Variants in ROCK1 observed in about 807,000 individuals in gnomAD.
The protein encoded by ROCK1 is Rho associated coiled-coil containing protein kinase 1.
In ROCK1, 36 loss-of-function variants were observed where a neutral mutation model predicts 196.8. The observed-to-expected ratio is 0.18, with a 90% CI of 0.14 to 0.24. The LOEUF is 0.24. ROCK1 is among the 10% of genes least tolerant of loss of function. The pLI, the probability that ROCK1 is intolerant of heterozygous loss-of-function variation, is 1.00. For synonymous variants in ROCK1, 443 were observed against 515.9 expected (o/e 0.86, Z 1.91); for missense variants, 920 against 1,562.0 (o/e 0.59, Z 6.93).
chr18:20,963,540 T>A (rs1315070977), intron 27 of ROCK1, among the ~76,000 whole-genome samples: 1 of 152,110 alleles, frequency 6.6e-6, no homozygotes, highest in Non-Finnish European at 1.5e-5. Flanking sequence ...ATCCACCATT[T>A]TCAGGTTTAA....
intron 2 of ROCK1, among the ~76,000 whole-genome samples, chr18:21,056,950 T>G (rs2036249306): frequency 6.6e-6 from 1 of 152,186 alleles, no homozygotes; most frequent in South Asian, 2.1e-4. Flanking sequence ...CAACTCTTTT[T>G]TCAAATGTCA....
chr18:20,965,404 T>TATACATACATAC (rs35001699), intron 27 of ROCK1, among the ~76,000 whole-genome samples: 20 of 146,814 alleles, frequency 1.4e-4, no homozygotes, highest in South Asian at 6.6e-4. Flanking sequence ...TACATACATA[T>TATACATACATAC]ATACATACAT....
chr18:21,024,191 G>C (rs1239207064), intron 10 of ROCK1, among the ~76,000 whole-genome samples: 1 of 152,164 alleles, frequency 6.6e-6, no homozygotes, highest in African/African-American at 2.4e-5. Flanking sequence ...GGTCAAAAAA[G>C]TTTTTGCCTA....
rs548603286 is a variant in ROCK1, at chr18:21,109,971, A to C, written c.93+847T>G. ...TTTTGTTTGGACCAAGAAATATTAT[A>C]TAACCCTTAGTTGTTCAGAAACTCT... On this transcript the variant is annotated intron_variant, in intron 1 of 32. Coordinates refer to ENST00000399799, the MANE Select transcript of ROCK1 (RefSeq NM_005406.3). Among the ~76,000 whole-genome samples, 26 of 152,284 alleles carry C rather than the reference A, an allele frequency of 1.7e-4. No homozygotes were observed. In the South Asian group the frequency reaches 1.9e-3, roughly 11 times the overall value.
chr18:20,979,322 A>G (rs1187120307), intron 22 of ROCK1, among the ~76,000 whole-genome samples: 2 of 152,182 alleles, frequency 1.3e-5, no homozygotes, highest in African/African-American at 4.8e-5. Context: ...ATATAAATAG[A>G]TCTTTTAAAA....
chr18:21,034,517 T>A (rs994208735), intron 9 of ROCK1, among the ~76,000 whole-genome samples: 3 of 152,170 alleles, frequency 2.0e-5, no homozygotes, highest in African/African-American at 7.2e-5. Flanking sequence ...TAATGATTGA[T>A]ACAAGGTGCC....
chr18:20,995,862 A>C (rs1165846062), intron 16 of ROCK1, among the ~76,000 whole-genome samples: 2 of 152,214 alleles, frequency 1.3e-5, no homozygotes, highest in East Asian at 3.8e-4. Flanking sequence ...CTCCTAATAC[A>C]GATATGGCTA....
rs190055013 is a variant in ROCK1, at chr18:21,070,593, T to C, written c.114A>G (p.Val38=). The C allele has an allele frequency of 3.1e-6, 5 of 1,607,412 alleles. No individual in the cohort carries two copies. The Admixed American group carries it at 6.7e-5, about 22-fold the overall frequency. Residue 38 remains valine, a synonymous_variant, in exon 2 of 33, where the codon GTA becomes GTG. Transcript: ENST00000399799. ...TTAAGGCAGGAAAATCCAAATCATA[T>C]ACCAAAGCATCCAATCCATCCTAAA... ...DCLLDGLDAL[V]YDLDFPALRK...
chr18:21,085,871 T>TCTTG (rs2036522237), intron 1 of ROCK1, among the ~76,000 whole-genome samples: 1 of 152,144 alleles, frequency 6.6e-6, no homozygotes, highest in Admixed American at 6.5e-5. Flanking sequence ...GTCACAAAAA[T>TCTTG]ATATTCACGG....
In ROCK1 at chr18:21,028,877, G is replaced by C; in HGVS notation, c.1110C>G (p.Asp370Glu). 1 of 1,612,500 alleles carries C rather than the reference G, an allele frequency of 6.2e-7. No homozygotes were observed. The highest frequency in any genetic ancestry group is 8.5e-7 in the Non-Finnish European group (1 of 1,179,452). Residue 370 changes from aspartate to glutamate, a missense_variant, in exon 10 of 33, where the codon GAC becomes GAG. Asp to Glu is a conservative substitution (Grantham distance 45, BLOSUM62 2). Around this residue, in one of 6 missense-constraint regions of ROCK1, gnomAD observed 234 missense variants for 460.7 expected, o/e 0.51. Transcript: ENST00000399799. ...CTTCCTCTCCTTTATCTTCTTCCAA[G>C]TCATCAAAATTACTAGTATCAATGT... Reference protein sequence around the residue: ...SSDIDTSNFDDLEEDKGEEET... With the variant: ...SSDIDTSNFDELEEDKGEEET...
chr18:21,029,056 C>A, intron 9 of ROCK1, 121 bp from the exon 10 acceptor site: 1 of 901,820 alleles, frequency 1.1e-6, no homozygotes, highest in South Asian at 1.7e-5. Context: ...ACAAATTCCA[C>A]CTGGCTTGAA....
At chr18:21,010,484 ACTT>A (rs1002998758) in intron 13 of ROCK1, among the ~76,000 whole-genome samples, 7 of 152,104 alleles carry the variant, frequency 4.6e-5, no homozygotes, top group East Asian at 1.9e-4. Context: ...TTTCACTGAG[ACTT>A]CTTCTTTGAC....
intron 2 of ROCK1, among the ~76,000 whole-genome samples, chr18:21,064,190 T>C (rs941492016): frequency 3.3e-5 from 5 of 152,222 alleles, no homozygotes; most frequent in Middle Eastern, 3.4e-3. Flanking sequence ...TCCCGACCCT[T>C]TCTCTCTCAT....
chr18:21,047,872 C>T (rs1312066165), intron 4 of ROCK1, among the ~76,000 whole-genome samples: 1 of 151,608 alleles, frequency 6.6e-6, no homozygotes, highest in Non-Finnish European at 1.5e-5. Context: ...TACTGGTATG[C>T]TTTTTAAGGA....
At chr18:20,988,544 A>G (rs2035596427) in intron 18 of ROCK1, among the ~76,000 whole-genome samples, 1 of 152,188 alleles carries the variant, frequency 6.6e-6, no homozygotes, top group African/African-American at 2.4e-5. Flanking sequence ...TATAAATTAC[A>G]CATCCCAGAA....
At chr18:21,073,063 CAAAAAAAAAAAAAAAAAAAAAAAAAA>C (rs541290068) in intron 1 of ROCK1, among the ~76,000 whole-genome samples, 1 of 32,716 alleles carries the variant, frequency 3.1e-5, no homozygotes, top group Admixed American at 5.9e-4. Context: ...ACTCCGTCTC[CAAAAAAAAAAAAAAAAAAAAAAAAAA>C]AAAAAAAAAA....
At chr18:20,982,490 G>A in intron 21 of ROCK1, among the ~76,000 whole-genome samples, 1 of 152,116 alleles carries the variant, frequency 6.6e-6, no homozygotes, top group East Asian at 1.9e-4. Context: ...GACCTCAAGT[G>A]ATCCACTCGC....
intron 22 of ROCK1, among the ~76,000 whole-genome samples, chr18:20,972,171 C>T (rs779175067): frequency 3.3e-5 from 5 of 152,052 alleles, no homozygotes; most frequent in African/African-American, 7.2e-5. Flanking sequence ...AGAGTCTATA[C>T]ATAATTTTTA....
intron 29 of ROCK1, among the ~76,000 whole-genome samples, chr18:20,959,109 A>T (rs1483338619): frequency 1.9e-5 from 1 of 51,426 alleles, no homozygotes; most frequent in African/African-American, 1.2e-4. Flanking sequence ...TATATTATAT[A>T]TATATTATAT....
Sources: gnomAD v4.1 joint callset for allele counts (sites outside exome capture counted in the v4.1 genomes callset) on GRCh38, gnomAD v4.1.1 for gene constraint, gnomAD v4.1.1 regional missense constraint, MANE v1.5 for transcripts, NCBI Gene and HGNC (gene_info 2026-07-23, HGNC 2026-07-21) for gene names.